Variants in TNNC2 observed in about 807,000 individuals in gnomAD.
TNNC2 encodes troponin C2, fast skeletal type.
Under a neutral mutation model 20.0 loss-of-function variants are expected in TNNC2, and 14 were observed. The ratio of observed to expected loss-of-function variants is 0.70; its 90% CI spans 0.46 to 1.09. The LOEUF is 1.09. Among genes scored for constraint, TNNC2 ranks in the 50% least tolerant of loss-of-function variants. TNNC2 has a pLI of 0.00. For synonymous variants in TNNC2, 81 were observed against 77.3 expected (o/e 1.05, Z -0.25); for missense variants, 163 against 223.8 (o/e 0.73, Z 1.73).
In TNNC2 at chr20:45,824,012, CGTT is replaced by C. The variant is rs1982880678; in HGVS notation, c.427_429del (p.Asn143del). On this transcript the variant is annotated inframe_deletion, in exon 5 of 6. Transcript: ENST00000372555. The stretch of plus-strand genomic sequence containing the variant: ...TCACCGTCGAAGTCAATGCGGCCGT[CGTT>C]GTTCTTGTCGCCGTCTTTCATCAGA... 6 of 1,614,126 alleles carry C rather than the reference CGTT, an allele frequency of 3.7e-6. No homozygotes were observed. The highest frequency in any genetic ancestry group is 5.1e-6 in the Non-Finnish European group (6 of 1,179,998).
In TNNC2 at chr20:45,823,827, C is replaced by A. The variant is rs944529682; in HGVS notation, c.451+164G>T. ...CATTAATTGATAAACTGCACAGAGT[C>A]GTGGAGCGCTTCTATACCTGCCCCC... On this transcript the variant is annotated intron_variant, in intron 5 of 5. Transcript: ENST00000372555. This position sits in a 1 kb window ranked among gnomAD's most constrained non-coding sequence, Gnocchi z 4.6. 6.6e-6 allele frequency among the ~76,000 whole-genome samples: 1 copy of A among 152,050 alleles called. No individual in the cohort carries two copies. The highest frequency in any genetic ancestry group is 1.5e-5 in the Non-Finnish European group (1 of 68,030).
upstream of TNNC2, among the ~76,000 whole-genome samples, chr20:45,832,199 A>G (rs1352309937): frequency 6.6e-6 from 1 of 152,106 alleles, no homozygotes. Context: ...AGTCCCAGCC[A>G]CTCAGGAGGC....
At chr20:45,830,515 G>A (rs557566434), upstream of TNNC2, among the ~76,000 whole-genome samples, 3 of 152,100 alleles carry the variant, frequency 2.0e-5, no homozygotes, top group East Asian at 5.8e-4. Flanking sequence ...CCCCCACTGT[G>A]TCCAGACCAG....
upstream of TNNC2, among the ~76,000 whole-genome samples, chr20:45,829,460 G>A (rs1356323636): frequency 2.7e-5 from 4 of 150,312 alleles, no homozygotes; most frequent in Non-Finnish European, 4.4e-5. Flanking sequence ...TACCACACCC[G>A]GCAAATTTTT....
At chr20:45,830,208 C>T (rs963403948), upstream of TNNC2, among the ~76,000 whole-genome samples, 5 of 151,418 alleles carry the variant, frequency 3.3e-5, no homozygotes, top group African/African-American at 9.7e-5. Context: ...TGGTGGTGGG[C>T]GCCTGTAGTC....
upstream of TNNC2, among the ~76,000 whole-genome samples, chr20:45,827,932 T>C (rs1387915232): frequency 1.3e-5 from 2 of 152,178 alleles, no homozygotes; most frequent in African/African-American, 4.8e-5. Context: ...TAGGCCACTG[T>C]TTACTGAACC....
chr20:45,831,418 A>T (rs1983103760), upstream of TNNC2, among the ~76,000 whole-genome samples: 1 of 152,148 alleles, frequency 6.6e-6, no homozygotes, highest in African/African-American at 2.4e-5. Context: ...CTCTACTAAA[A>T]ATACAAAAAT....
intron 1 of TNNC2, among the ~76,000 whole-genome samples, chr20:45,826,548 AGT>A (rs1013085835): frequency 7.2e-5 from 11 of 152,220 alleles, no homozygotes; most frequent in African/African-American, 2.7e-4. Context: ...GCTGGCCACC[AGT>A]GCTCCTCCTT....
intron 2 of TNNC2, among the ~76,000 whole-genome samples, chr20:45,833,015 G>A (rs765659576): frequency 1.4e-4 from 22 of 152,182 alleles, no homozygotes; most frequent in Admixed American, 3.3e-4. Flanking sequence ...GGTGGCGAAC[G>A]CCTCTATTCC....
chr20:45,826,409 C>T (rs773621486), intron 1 of TNNC2, among the ~76,000 whole-genome samples: 12 of 152,162 alleles, frequency 7.9e-5, no homozygotes, highest in Non-Finnish European at 1.6e-4. Context: ...GTGATGGAGG[C>T]CTTGACATGA....
At chr20:45,825,740 C>T (rs1214070771) in intron 1 of TNNC2, among the ~76,000 whole-genome samples, 2 of 152,148 alleles carry the variant, frequency 1.3e-5, no homozygotes, top group African/African-American at 4.8e-5. Context: ...TCTCCCTCAG[C>T]CTCCCGAGTA....
At chr20:45,829,837 C>CA (rs1983067592), upstream of TNNC2, among the ~76,000 whole-genome samples, 1 of 150,750 alleles carries the variant, frequency 6.6e-6, no homozygotes, top group Admixed American at 6.6e-5. Flanking sequence ...AAACTCCTGA[C>CA]CTCAAGTGAT....
At chr20:45,827,495 C>A (rs1983003922), upstream of TNNC2, among the ~76,000 whole-genome samples, 1 of 152,114 alleles carries the variant, frequency 6.6e-6, no homozygotes, top group African/African-American at 2.4e-5. Context: ...AGCCTCCAAG[C>A]AGGTGGCAGG....
chr20:45,826,005 A>ACCCCCCCCCC (rs111300154), intron 1 of TNNC2, among the ~76,000 whole-genome samples: 23 of 144,008 alleles, frequency 1.6e-4, no homozygotes, highest in African/African-American at 3.4e-4. Context: ...CAAGTCGGGA[A>ACCCCCCCCCC]CCCCCCCCAC....
At chr20:45,831,298 C>G (rs1194558016), upstream of TNNC2, among the ~76,000 whole-genome samples, 1 of 151,180 alleles carries the variant, frequency 6.6e-6, no homozygotes, top group African/African-American at 2.4e-5. Flanking sequence ...AAGAAGAGGC[C>G]GGGCACGGTG....
upstream of TNNC2, among the ~76,000 whole-genome samples, chr20:45,828,663 G>A (rs1983033190): frequency 6.6e-6 from 1 of 152,122 alleles, no homozygotes; most frequent in Non-Finnish European, 1.5e-5. Context: ...AAGTCCAGAG[G>A]GAGCCCAACC....
upstream of TNNC2, among the ~76,000 whole-genome samples, chr20:45,830,335 CAAAAAAAAAA>C (rs781603612): frequency 3.7e-5 from 2 of 54,194 alleles, no homozygotes; most frequent in Non-Finnish European, 8.2e-5. Context: ...GACTGCATCT[CAAAAAAAAAA>C]AAAAAAAAAA....
At position 45,827,251 on chromosome 20, in the gene TNNC2, T is replaced by C. The variant is rs116367119; in HGVS notation, c.-3A>G. ...AAGTCCCCTCTTGTCCTTACCATGG[T>C]TGCTGGTGACCGGGACTCCTCTGTT... On this transcript the variant is annotated 5_prime_UTR_variant, in exon 1 of 6. Transcript: ENST00000372555. 4,509 of 1,614,086 alleles carry C rather than the reference T, an allele frequency of 2.8e-3. 119 individuals are homozygous for C. In the African/African-American group the frequency reaches 0.053, roughly 19 times the overall value.
chr20:45,832,940 G>A lies in TNNC2; in HGVS notation c.-43+311C>T, dbSNP rs141830525. On this transcript the variant is annotated intron_variant, in intron 2 of 6. Transcript: ENST00000372557. ...GTGGATCACTTGAGCCCAGGAATTCGAGACCAGCCTGGGCAACATGGCCAA... is the reference window on the plus strand; with the variant it reads ...GTGGATCACTTGAGCCCAGGAATTCAAGACCAGCCTGGGCAACATGGCCAA... Among the ~76,000 whole-genome samples, 541 of 152,296 alleles carry A rather than the reference G, an allele frequency of 3.6e-3. 4 individuals carry two copies. The highest frequency in any genetic ancestry group is 0.012 in the African/African-American group (518 of 41,570).
Sources: allele counts gnomAD v4.1 joint callset (sites outside exome capture counted in the v4.1 genomes callset), GRCh38; gene constraint gnomAD v4.1.1; non-coding constraint Gnocchi (gnomAD v3.1); transcripts MANE v1.5; gene names NCBI Gene and HGNC (gene_info 2026-07-23, HGNC 2026-07-21).